The following PRDM8 variants were observed in gnomAD, a reference collection of about 807,000 sequenced individuals.
PRDM8 encodes the protein PR domain zinc finger protein 8.
In PRDM8, 13 loss-of-function variants were observed where a neutral mutation model predicts 46.5. The observed-to-expected ratio is 0.28, with a 90% confidence interval of 0.18 to 0.44. The LOEUF (loss-of-function observed/expected upper bound fraction) is 0.44. PRDM8 is among the 20% of genes least tolerant of loss of function. PRDM8 has a pLI of 1.00. For synonymous variants in PRDM8, 473 were observed against 438.4 expected, an observed-to-expected ratio of 1.08 and a Z score of -0.98; for missense variants, 998 against 955.0, an observed-to-expected ratio of 1.04 and a Z score of -0.59.
chr4:80,195,768 C>T (rs988193835), upstream of PRDM8, among the ~76,000 whole-genome samples: 17 of 152,076 alleles, frequency 1.1e-4, no homozygotes, highest in African/African-American at 4.1e-4. Flanking sequence ...CAGTAGCTAA[C>T]CTGAAAACTA....
At chr4:80,201,605 G>A in intron 3 of PRDM8, 84 bp downstream of exon 3, 1 of 1,364,464 alleles carries the variant, frequency 7.3e-7, no homozygotes, top group Non-Finnish European at 1.0e-6. Context: ...CCGGCGCGTT[G>A]GCGCGCCTTT....
Position 80,202,503 on chromosome 4 carries a change from T to C in PRDM8, c.1041T>C (p.Asp347=). 6.5e-7 allele frequency: 1 copy of C among 1,538,282 alleles called. No homozygotes were observed. Among genetic ancestry groups the C allele is most frequent in the Admixed American group, 2.0e-5 (1 of 50,892 alleles). ...GGCCCCTCCCGGCCTCCAAGGAGGA[T>C]CTGGTGTGCACACCGCAGCAGTACC... is the stretch of plus-strand genomic sequence containing the variant. ...VERPLPASKE[D]LVCTPQQYRA... Residue 347 remains aspartate, a synonymous_variant, in exon 4 of 4, where the codon GAT becomes GAC. Coordinates refer to ENST00000415738, the MANE Select transcript of PRDM8 (RefSeq NM_001099403.2).
chr4:80,194,534 C>T (rs1038752914), upstream of PRDM8, among the ~76,000 whole-genome samples: 3 of 152,142 alleles, frequency 2.0e-5, no homozygotes, highest in African/African-American at 7.2e-5. Flanking sequence ...TTTTCTTTAT[C>T]CCCTATTAAT....
intron 1 of PRDM8, among the ~76,000 whole-genome samples, chr4:80,189,383 G>T (rs569884422): frequency 6.6e-6 from 1 of 151,750 alleles, no homozygotes; most frequent in East Asian, 1.9e-4. Flanking sequence ...TACCGGGCAG[G>T]CCTTCCGCAG....
chr4:80,197,325 G>A (rs937816653), upstream of PRDM8: 26 of 965,010 alleles, frequency 2.7e-5, no homozygotes, highest in South Asian at 2.9e-4. Flanking sequence ...GTTGCCACCC[G>A]GGGTAGGCGC....
upstream of PRDM8, among the ~76,000 whole-genome samples, chr4:80,193,534 G>A (rs1290334856): frequency 6.6e-6 from 1 of 152,218 alleles, no homozygotes; most frequent in Admixed American, 6.5e-5. Flanking sequence ...CAGGCCTGGT[G>A]TTTTTCTTAA....
At chr4:80,190,387 C>A (rs1393748083) in intron 1 of PRDM8, among the ~76,000 whole-genome samples, 16 of 152,214 alleles carry the variant, frequency 1.1e-4, no homozygotes. Context: ...CCAAGCGCAC[C>A]GCTTGGCCCC....
chr4:80,199,990 C>T (rs1290404848), intron 1 of PRDM8, 89 bp from the exon 2 acceptor site: 10 of 1,043,468 alleles, frequency 9.6e-6, no homozygotes. Flanking sequence ...CAAGGAAAAT[C>T]TACCTAGTAT....
chr4:80,189,536 G>A (rs1322151453), intron 1 of PRDM8, among the ~76,000 whole-genome samples: 2 of 152,146 alleles, frequency 1.3e-5, no homozygotes, highest in African/African-American at 4.8e-5. Context: ...TGGGTCACTT[G>A]GAAAGTGGGT....
rs372022633 is a variant in PRDM8 at position 80,201,453 on chromosome 4, T to C, written c.383T>C (p.Val128Ala). The C allele has an allele frequency of 1.2e-6, 2 of 1,614,090 alleles. No homozygotes were observed. The highest frequency in any genetic ancestry group is 2.7e-5 in the African/African-American group (2 of 74,924). Residue 128 changes from valine (V) to alanine (A), a missense_variant, in exon 3 of 4, where the codon GTT (valine) becomes GCT (alanine). Val to Ala is a moderately conservative substitution (Grantham distance 64, BLOSUM62 0). Transcript: ENST00000415738. ...RRIAKDEELL[V>A]WYGKELTELL... is the part of the protein sequence containing the mutation. ...ATTGCCAAAGACGAGGAGTTACTAGTTTGGTACGGGAAAGAACTGACTGAG... is the reference window on the plus strand; with the variant it reads ...ATTGCCAAAGACGAGGAGTTACTAGCTTGGTACGGGAAAGAACTGACTGAG...
At chr4:80,198,037 G>T (rs2109872473) in intron 1 of PRDM8, among the ~76,000 whole-genome samples, 1 of 152,344 alleles carries the variant, frequency 6.6e-6, no homozygotes, top group South Asian at 2.1e-4. Flanking sequence ...CTTTCAGAAA[G>T]CCCCGCCGGC....
chr4:80,202,882 G>A lies in PRDM8; in HGVS notation c.1420G>A (p.Gly474Ser). 2.3e-6 allele frequency: 3 copies of A among 1,288,962 alleles called. No homozygotes were observed. Among genetic ancestry groups the A allele is most frequent in the Admixed American group, 4.3e-5 (1 of 23,304 alleles). The allele number at this position is 1,288,962 out of a possible 1,614,324, so 79.8% of individuals were successfully genotyped here. A position where few individuals can be genotyped will look rare whatever the true frequency, so the allele number is the denominator to read the frequency against. ...GCTGGGCAGCGCGGGCAGCACCAGC[G>A]GTGGGGGCGGAACGGGCGCCGGGGC... ...PQLGSAGSTS[G>S]GGGTGAGAAG... Residue 474 changes from glycine (G) to serine (S), a missense_variant, in exon 4 of 4, where the codon GGT becomes AGT. By Grantham distance (56) the Gly-to-Ser change is moderately conservative (BLOSUM62 0). Transcript: ENST00000415738.
chr4:80,200,186 C>T lies in PRDM8; in HGVS notation c.106C>T (p.Pro36Ser). The change falls in exon 2 of 4, where the codon CCT becomes TCT. Residue 36 changes from proline to serine, a missense_variant. Coordinates refer to ENST00000415738, the MANE Select transcript of PRDM8 (RefSeq NM_001099403.2). The stretch of plus-strand genomic sequence containing the variant: ...CAGCGTTTACACCACCTGCGACATC[C>T]CTGAGAATGCTATATTTGGTCCCTG... ...FTSVYTTCDI[P>S]ENAIFGPCVL... The T allele has an allele frequency of 6.2e-7, 1 of 1,614,058 alleles. No homozygotes were observed. Among genetic ancestry groups the T allele is most frequent in the Admixed American group, 1.7e-5 (1 of 60,020 alleles).
In PRDM8 at chr4:80,203,462, A is replaced by G. The variant is rs1223656077; in HGVS notation, c.2000A>G (p.Lys667Arg). The G allele has an allele frequency of 1.5e-5, 25 of 1,613,380 alleles. No homozygotes were observed. Among genetic ancestry groups the G allele is most frequent in the Non-Finnish European group, 2.1e-5 (25 of 1,179,804 alleles). ...LVKRRREEKL[K>R]CPICNESFRE... ...AAGCGGCGGCGAGAGGAGAAACTCA[A>G]GTGCCCCATCTGCAATGAGTCCTTC... Residue 667 changes from lysine to arginine, a missense_variant, in exon 4 of 4, where the codon AAG becomes AGG. Coordinates refer to ENST00000415738, the MANE Select transcript of PRDM8 (RefSeq NM_001099403.2).
At chr4:80,185,761 T>C (rs1737026377) in intron 1 of PRDM8, among the ~76,000 whole-genome samples, 1 of 152,222 alleles carries the variant, frequency 6.6e-6, no homozygotes, top group African/African-American at 2.4e-5. Flanking sequence ...GATTTCACTA[T>C]CATGTCGTTC....
chr4:80,188,819 G>A (rs1737319765), intron 1 of PRDM8, among the ~76,000 whole-genome samples: 1 of 152,220 alleles, frequency 6.6e-6, no homozygotes, highest in East Asian at 1.9e-4. Context: ...AGGCTCCGCC[G>A]GGCATCGCGA....
upstream of PRDM8, chr4:80,194,130 G>T (rs1191848561): frequency 2.6e-6 from 2 of 775,742 alleles, no homozygotes; most frequent in Non-Finnish European, 3.1e-6. Context: ...AAGCCACCTG[G>T]GGTGTCATTT....
At chr4:80,194,272 T>A, upstream of PRDM8, 1 of 919,300 alleles carries the variant, frequency 1.1e-6, no homozygotes, top group Non-Finnish European at 1.3e-6. Context: ...GTCATTCTTC[T>A]AATTACTTAA....
upstream of PRDM8, among the ~76,000 whole-genome samples, chr4:80,192,602 G>A (rs572956041): frequency 5.9e-5 from 9 of 152,304 alleles, no homozygotes; most frequent in Admixed American, 1.3e-4. Context: ...ACTGAGATGC[G>A]TTCAAAGGGT....
Sources: allele counts gnomAD v4.1 joint callset (sites outside exome capture counted in the v4.1 genomes callset), GRCh38; gene constraint gnomAD v4.1.1; transcripts MANE v1.5; gene names NCBI Gene and HGNC (gene_info 2026-07-23, HGNC 2026-07-21).